Variants in PPP2R3B observed in about 807,000 individuals in gnomAD.
PPP2R3B encodes the protein protein phosphatase 2 regulatory subunit B''beta.
A neutral mutation model predicts 72.9 loss-of-function variants in PPP2R3B; 68 were observed. The ratio of observed to expected loss-of-function variants is 0.93; its 90% CI spans 0.77 to 1.14. PPP2R3B has a LOEUF of 1.14. Ranked by LOEUF, PPP2R3B falls within the 50% of genes most tolerant of loss-of-function variation. The pLI, the probability that PPP2R3B is intolerant of heterozygous loss-of-function variation, is 0.00. For missense variants in PPP2R3B, 1,018 were observed against 842.0 expected (o/e 1.21, Z -2.59); for synonymous variants, 466 against 375.8 (o/e 1.24, Z -2.78).
At chrX:384,728 T>C (rs1460530183) in intron 1 of PPP2R3B, among the ~76,000 whole-genome samples, 1 of 152,010 alleles carries the variant, frequency 6.6e-6, no homozygotes, top group Non-Finnish European at 1.5e-5. Context: ...CTCACGCCTG[T>C]CATCCCAGCA....
intron 3 of PPP2R3B, 101 bp downstream of exon 3, chrX:347,487 CCT>C: frequency 7.2e-7 from 1 of 1,389,316 alleles, no homozygotes; most frequent in Non-Finnish European, 1.0e-6. Context: ...AAGGGTTTCT[CCT>C]CTCACTGCGG....
chrX:363,627 A>T (rs1258745739), intron 1 of PPP2R3B, among the ~76,000 whole-genome samples: 32 of 3,992 alleles, frequency 8.0e-3, no homozygotes, highest in East Asian at 0.029. Flanking sequence ...CATCTCCCCG[A>T]GCCCACCATC....
intron 1 of PPP2R3B, among the ~76,000 whole-genome samples, chrX:378,767 T>C (rs912261028): frequency 6.6e-6 from 1 of 152,034 alleles, no homozygotes; most frequent in African/African-American, 2.4e-5. Flanking sequence ...ACACCTTCCT[T>C]CCTCCTCACA....
chrX:366,452 C>A (rs868140030), intron 1 of PPP2R3B, among the ~76,000 whole-genome samples: 89 of 4,706 alleles, frequency 0.019, 33 homozygotes, highest in Non-Finnish European at 0.023. Context: ...AGAATCGCTT[C>A]AACACAGGAG....
At chrX:379,090 CGT>C (rs765903380) in intron 1 of PPP2R3B, among the ~76,000 whole-genome samples, 66 of 140,374 alleles carry the variant, frequency 4.7e-4, no homozygotes, top group South Asian at 4.3e-3. Flanking sequence ...TATGCACCTA[CGT>C]GTGTGTGTAT....
chrX:375,030 C>T (rs2071959074), intron 1 of PPP2R3B, among the ~76,000 whole-genome samples: 1 of 152,156 alleles, frequency 6.6e-6, no homozygotes, highest in African/African-American at 2.4e-5. Flanking sequence ...CTGCAACCTT[C>T]CACACCACCT....
intron 1 of PPP2R3B, among the ~76,000 whole-genome samples, chrX:368,849 C>T (rs1431231567): frequency 7.3e-6 from 1 of 136,316 alleles, no homozygotes; most frequent in Admixed American, 7.2e-5. Context: ...CCACCTTGGG[C>T]ACCGACCGGG....
intron 2 of PPP2R3B, among the ~76,000 whole-genome samples, chrX:352,417 C>A (rs1017161067): frequency 4.6e-5 from 7 of 152,228 alleles, no homozygotes; most frequent in Non-Finnish European, 1.0e-4. Context: ...CCCGTGGCTC[C>A]AGTTCACCTT....
At chrX:347,007 C>G (rs2071232460) in intron 4 of PPP2R3B, among the ~76,000 whole-genome samples, 1 of 145,694 alleles carries the variant, frequency 6.9e-6, no homozygotes, top group Non-Finnish European at 1.5e-5. Flanking sequence ...TAGACGCGGA[C>G]CCTCCCGTGA....
At chrX:361,645 T>C in intron 1 of PPP2R3B, 55 bp from the exon 2 acceptor site, 1 of 1,596,826 alleles carries the variant, frequency 6.3e-7, no homozygotes, top group Non-Finnish European at 8.6e-7. Context: ...GAACGCCTTC[T>C]TCACCCGGAC....
intron 2 of PPP2R3B, among the ~76,000 whole-genome samples, chrX:349,982 C>G (rs989789359): frequency 3.1e-4 from 47 of 152,166 alleles, no homozygotes; most frequent in Non-Finnish European, 5.3e-4. Context: ...CACCGAGGGC[C>G]TGTTGTTTTG....
intron 2 of PPP2R3B, 166 bp from the exon 3 acceptor site, chrX:347,859 G>A (rs1449344838): frequency 1.9e-5 from 11 of 582,488 alleles, no homozygotes; most frequent in East Asian, 8.8e-5. Context: ...CGTGGCTTTC[G>A]CTCCAGCCTT....
In PPP2R3B at chrX:334,374, G is replaced by T; in HGVS notation, c.1721C>A (p.Pro574Gln). The T allele has an allele frequency of 2.0e-6, 3 of 1,508,766 alleles. No individual in the cohort carries two copies. The highest frequency in any genetic ancestry group is 1.2e-5 in the South Asian group (1 of 80,136). 93.5% of individuals were successfully genotyped at this position (1,508,766 alleles called of 1,614,324 possible). The change falls in exon 13 of 13, where the codon CCG (proline) becomes CAG (glutamine). Residue 574 changes from proline to glutamine, a missense_variant. By Grantham distance (76) the Pro-to-Gln change is moderately conservative. Transcript: ENST00000390665. ...GCGTTCTCGCGGGCGGCGTCACAGC[G>T]GCTCCAGGTCCTCGTCCCCGCATGC... is the stretch of plus-strand genomic sequence containing the variant. ...EYACGDEDLE[P>Q]L
At chrX:377,071 C>G (rs1472870658) in intron 1 of PPP2R3B, among the ~76,000 whole-genome samples, 44 of 77,588 alleles carry the variant, frequency 5.7e-4, no homozygotes, top group African/African-American at 2.9e-3. Flanking sequence ...CAGGGACGGG[C>G]CGTCCACACC....
intron 1 of PPP2R3B, among the ~76,000 whole-genome samples, chrX:385,204 T>C (rs953356112): frequency 2.0e-4 from 30 of 151,918 alleles, no homozygotes; most frequent in Non-Finnish European, 3.5e-4. Flanking sequence ...CAGGACACCC[T>C]TGGTGAATAT....
In PPP2R3B at chrX:341,922, G is replaced by T; in HGVS notation, c.1046C>A (p.Thr349Asn). The change falls in exon 8 of 13, where the codon ACC becomes AAC. Residue 349 changes from threonine to asparagine, a missense_variant. Thr to Asn is a moderately conservative substitution (Grantham distance 65). Transcript: ENST00000390665. ...LARHNDHALS[T>N]KMIDRIFSGA... ...TGAGAAGATCCTGTCTATCATCTTG[G>T]TAGAAAGGGCTGGAAAGGAATGCGG... 1.2e-6 allele frequency: 2 copies of T among 1,612,732 alleles called. No homozygotes were observed. The highest frequency in any genetic ancestry group is 1.7e-6 in the Non-Finnish European group (2 of 1,179,762).
In PPP2R3B at chrX:368,468, C is replaced by A. The variant is rs770308904; in HGVS notation, c.325-6878G>T. On this transcript the variant is annotated intron_variant, in intron 1 of 12. Coordinates refer to ENST00000390665, the MANE Select transcript of PPP2R3B (RefSeq NM_013239.5). ...CTGACGGGGGGGAAGGCCGGGACCA[C>A]CCACCCCGGGCACCGACGGGGGGAA... Among the ~76,000 whole-genome samples the A allele has an allele frequency of 4.9e-4, 54 of 110,788 alleles. 1 individual carries two copies. The highest frequency in any genetic ancestry group is 6.7e-4 in the Admixed American group (8 of 11,926). 72.7% of individuals were successfully genotyped at this position (110,788 alleles called of 152,430 possible). A position where few individuals can be genotyped will look rare whatever the true frequency, so the allele number is the denominator to read the frequency against.
intron 1 of PPP2R3B, among the ~76,000 whole-genome samples, chrX:366,821 C>G (rs1160174683): frequency 1.5e-5 from 2 of 131,744 alleles, no homozygotes; most frequent in Admixed American, 1.5e-4. Context: ...TGAGATCGCA[C>G]TACTGCACTC....
At chrX:338,527 C>A in intron 12 of PPP2R3B, 77 bp downstream of exon 12, 1 of 403,808 alleles carries the variant, frequency 2.5e-6, no homozygotes, top group Non-Finnish European at 3.6e-6. Context: ...CACACCCGTC[C>A]TCCCACTCAC....
Sources: gnomAD v4.1 joint callset for allele counts (sites outside exome capture counted in the v4.1 genomes callset) on GRCh38, gnomAD v4.1.1 for gene constraint, MANE v1.5 for transcripts, NCBI Gene and HGNC (gene_info 2026-07-23, HGNC 2026-07-21) for gene names.